The following EPB41L1 variants were observed in gnomAD, a reference collection of about 807,000 sequenced individuals.
EPB41L1 encodes the protein erythrocyte membrane protein band 4.1 like 1.
Under a neutral mutation model 97.8 loss-of-function variants are expected in EPB41L1, and 29 were observed. The ratio of observed to expected loss-of-function variants is 0.30; its 90% CI spans 0.22 to 0.40. EPB41L1 has a LOEUF of 0.40. EPB41L1 is among the 10% of genes least tolerant of loss of function. EPB41L1 has a pLI of 1.00. For missense variants in EPB41L1, 812 were observed against 1,162.3 expected (o/e 0.70, Z 4.38); for synonymous variants, 383 against 459.2 (o/e 0.83, Z 2.12).
chr20:36,205,868 T>C (rs1453129755), intron 14 of EPB41L1: 1 of 1,289,164 alleles, frequency 7.8e-7, no homozygotes, highest in African/African-American at 1.5e-5. Flanking sequence ...CATTGGGTAT[T>C]TATAGAAAGA....
chr20:36,174,492 C>T (rs556164649), intron 2 of EPB41L1, among the ~76,000 whole-genome samples: 13 of 152,170 alleles, frequency 8.5e-5, no homozygotes, highest in African/African-American at 2.6e-4. Flanking sequence ...AGGCTGGTCT[C>T]AAACTCCTGA....
chr20:36,095,867 A>G lies in EPB41L1; in HGVS notation c.-65+4255A>G, dbSNP rs1036162179. Among the ~76,000 whole-genome samples, 5 of 152,228 alleles carry G rather than the reference A, an allele frequency of 3.3e-5. No individual in the cohort carries two copies. The East Asian group carries it at 9.6e-4, about 29-fold the overall frequency. On this transcript the variant is annotated intron_variant, in intron 1 of 19. Transcript: ENST00000202028. ...AGAGCAGCCTGGCCAATATGGTAAA[A>G]ATACAAAATTTAGCCGGGCATGGTG... is the stretch of plus-strand genomic sequence containing the variant.
At chr20:36,203,115 T>G (rs993769435) in intron 14 of EPB41L1, among the ~76,000 whole-genome samples, 3 of 152,248 alleles carry the variant, frequency 2.0e-5, no homozygotes, top group Non-Finnish European at 4.4e-5. Flanking sequence ...TCCCATCTTG[T>G]GATTCGGGTT....
chr20:36,176,086 C>T lies in EPB41L1; in HGVS notation c.342+371C>T, dbSNP rs117695153. 5.8e-4 allele frequency among the ~76,000 whole-genome samples: 88 copies of T among 152,304 alleles called. No individual in the cohort carries two copies. In the East Asian group the frequency reaches 0.017, roughly 29 times the overall value. On this transcript the variant is annotated intron_variant, in intron 3 of 21. Transcript: ENST00000338074. ...TTTAAATTAGAATCATTTTTATATA[C>T]TGGGTGGAGAGAGGGCTCCTCCCTT... is the stretch of plus-strand genomic sequence containing the variant.
chr20:36,156,588 C>T (rs1440144164), intron 1 of EPB41L1, among the ~76,000 whole-genome samples: 4 of 152,164 alleles, frequency 2.6e-5, no homozygotes, highest in Admixed American at 6.5e-5. Context: ...TTCCCTGCTG[C>T]GGTGGTTGTG....
chr20:36,164,854 T>A (rs1406697040), intron 1 of EPB41L1, among the ~76,000 whole-genome samples: 1 of 151,856 alleles, frequency 6.6e-6, no homozygotes, highest in Non-Finnish European at 1.5e-5. Flanking sequence ...CCCGGCTAAT[T>A]TTTGTATTTT....
intron 1 of EPB41L1, among the ~76,000 whole-genome samples, chr20:36,162,811 G>A (rs2060586999): frequency 6.6e-6 from 1 of 152,180 alleles, no homozygotes; most frequent in South Asian, 2.1e-4. Flanking sequence ...CACATTGTTT[G>A]GTCTAAAGTG....
intron 8 of EPB41L1, 42 bp downstream of exon 8, chr20:36,187,805 C>T: frequency 6.4e-7 from 1 of 1,571,290 alleles, no homozygotes; most frequent in Non-Finnish European, 8.7e-7. Context: ...CTGGGTGGTG[C>T]CCCCAAAGAA....
chr20:36,148,809 G>A (rs1359848372), intron 2 of EPB41L1: 4 of 152,394 alleles, frequency 2.6e-5, no homozygotes, highest in African/African-American at 7.2e-5. Context: ...GAGGTTCCCA[G>A]CTTTGAGAAA....
intron 1 of EPB41L1, among the ~76,000 whole-genome samples, chr20:36,097,560 A>G: frequency 6.6e-6 from 1 of 152,232 alleles, no homozygotes. Flanking sequence ...AAAAACAGAA[A>G]TGAATCCAGC....
chr20:36,135,505 GTT>G (rs1600503459), intron 2 of EPB41L1, among the ~76,000 whole-genome samples: 2 of 152,122 alleles, frequency 1.3e-5, no homozygotes, highest in East Asian at 3.8e-4. Context: ...CTGGATTTCC[GTT>G]TCTCTCTCCA....
chr20:36,157,086 TG>T (rs1022079968), intron 1 of EPB41L1, among the ~76,000 whole-genome samples: 13 of 151,926 alleles, frequency 8.6e-5, no homozygotes, highest in Non-Finnish European at 1.9e-4. Flanking sequence ...TAGCTGGGCG[TG>T]GTAGTGCACG....
intron 1 of EPB41L1, among the ~76,000 whole-genome samples, chr20:36,095,412 ATCT>A (rs769947660): frequency 5.3e-5 from 8 of 152,204 alleles, no homozygotes; most frequent in Non-Finnish European, 8.8e-5. Flanking sequence ...CCAGCCTGGG[ATCT>A]TCTTTTGACT....
At chr20:36,208,644 C>T (rs1036809314) in intron 14 of EPB41L1, among the ~76,000 whole-genome samples, 1 of 152,222 alleles carries the variant, frequency 6.6e-6, no homozygotes, top group Non-Finnish European at 1.5e-5. Context: ...AAGTTCTTTA[C>T]AAATCTTTCA....
At chr20:36,111,690 GAT>G (rs1390886329) in intron 1 of EPB41L1, among the ~76,000 whole-genome samples, 1 of 150,358 alleles carries the variant, frequency 6.7e-6, no homozygotes, top group East Asian at 2.0e-4. Context: ...GGGAGACTGA[GAT>G]AGGAGAATCG....
intron 2 of EPB41L1, among the ~76,000 whole-genome samples, chr20:36,132,689 T>G (rs2059264785): frequency 7.4e-6 from 1 of 135,614 alleles, no homozygotes; most frequent in Admixed American, 7.4e-5. Context: ...AGGGAGGGCT[T>G]GGGGGTCCAG....
intron 21 of EPB41L1, among the ~76,000 whole-genome samples, chr20:36,228,511 T>G (rs2064315409): frequency 6.6e-6 from 1 of 152,226 alleles, no homozygotes; most frequent in Non-Finnish European, 1.5e-5. Context: ...GGCTGTAATG[T>G]GCATTGATTG....
chr20:36,140,552 G>C (rs1039724149), intron 2 of EPB41L1, among the ~76,000 whole-genome samples: 16 of 152,256 alleles, frequency 1.1e-4, no homozygotes, highest in African/African-American at 3.4e-4. Flanking sequence ...TAGCTGTTTT[G>C]TTGCTAATAC....
At chr20:36,119,462 T>C (rs1042163638) in intron 2 of EPB41L1, among the ~76,000 whole-genome samples, 1 of 151,842 alleles carries the variant, frequency 6.6e-6, no homozygotes, top group Non-Finnish European at 1.5e-5. Flanking sequence ...ATTAGCCAGG[T>C]ATGGTGGTGC....
Sources: allele counts gnomAD v4.1 joint callset (sites outside exome capture counted in the v4.1 genomes callset), GRCh38; gene constraint gnomAD v4.1.1; transcripts MANE v1.5; gene names NCBI Gene and HGNC (gene_info 2026-07-23, HGNC 2026-07-21).